MAP4K3: variants seen among roughly 807,000 people sequenced by gnomAD.
MAP4K3 encodes the protein MAPK/ERK kinase kinase kinase 3.
Under a neutral mutation model 143.5 loss-of-function variants are expected in MAP4K3, and 94 were observed. The ratio of observed to expected loss-of-function variants is 0.65; its 90% CI spans 0.55 to 0.78. The LOEUF (loss-of-function observed/expected upper bound fraction) is 0.78, where lower values mean the gene tolerates loss of function less well. Ranked by LOEUF, MAP4K3 falls within the 30% of genes least tolerant of loss-of-function variation. The pLI is 0.00. For missense variants in MAP4K3, 1,077 were observed against 1,068.1 expected, an observed-to-expected ratio of 1.01 and a Z score of -0.12; for synonymous variants, 416 against 347.2, an observed-to-expected ratio of 1.20 and a Z score of -2.20.
chr2:39,435,268 C>T (rs1025229101), intron 1 of MAP4K3, among the ~76,000 whole-genome samples: 1 of 152,112 alleles, frequency 6.6e-6, no homozygotes, highest in Non-Finnish European at 1.5e-5. Flanking sequence ...TTTTAAAAAC[C>T]TAAATCTAAT....
At chr2:39,250,955 T>C (rs1170685161) in intron 33 of MAP4K3, among the ~76,000 whole-genome samples, 2 of 152,196 alleles carry the variant, frequency 1.3e-5, no homozygotes, top group African/African-American at 4.8e-5. Context: ...AAACCTATAT[T>C]AGAAATTATT....
intron 3 of MAP4K3, among the ~76,000 whole-genome samples, chr2:39,352,749 A>AACC (rs1218260937): frequency 3.3e-5 from 5 of 152,168 alleles, no homozygotes; most frequent in African/African-American, 1.2e-4. Flanking sequence ...CCCTGATATA[A>AACC]AATGGACTTC....
At chr2:39,270,495 G>C (rs1415736021) in intron 26 of MAP4K3, among the ~76,000 whole-genome samples, 1 of 152,184 alleles carries the variant, frequency 6.6e-6, no homozygotes, top group Admixed American at 6.5e-5. Flanking sequence ...TTTCTTGAGA[G>C]CTTACTAGGT....
intron 1 of MAP4K3, among the ~76,000 whole-genome samples, chr2:39,387,002 T>C (rs555291908): frequency 2.0e-5 from 3 of 152,078 alleles, no homozygotes; most frequent in Non-Finnish European, 4.4e-5. Flanking sequence ...TCAGTACAGA[T>C]GGAGTTTTGC....
rs190973250 is a variant in MAP4K3, at chr2:39,280,229, T to A, written c.1714+43A>T. On this transcript the variant is annotated intron_variant, in intron 23 of 33. Coordinates refer to ENST00000263881, the MANE Select transcript of MAP4K3 (RefSeq NM_003618.4). ...CACAAATGCTTTCATGGCCCCAGTT[T>A]TAAAAAATTAGGAAGATAACAGATA... 5.9e-6 allele frequency: 7 copies of A among 1,181,722 alleles called. No homozygotes were observed. The African/African-American group carries it at 1.1e-4, about 18-fold the overall frequency. 73.2% of individuals were successfully genotyped at this position (1,181,722 alleles called of 1,614,324 possible). A position where few individuals can be genotyped will look rare whatever the true frequency, so the allele number is the denominator to read the frequency against.
intron 20 of MAP4K3, 140 bp downstream of exon 20, chr2:39,287,981 A>G (rs1264454381): frequency 1.0e-6 from 1 of 980,534 alleles, no homozygotes; most frequent in Non-Finnish European, 1.5e-6. Context: ...GTAGGCAAAA[A>G]GCAGAAAACA....
chr2:39,320,028 T>C (rs1426598358), intron 12 of MAP4K3, among the ~76,000 whole-genome samples: 2 of 152,184 alleles, frequency 1.3e-5, no homozygotes, highest in Non-Finnish European at 2.9e-5. Context: ...AACTCCTTTC[T>C]AGCAATGTCA....
At chr2:39,427,951 T>A (rs1013504093) in intron 1 of MAP4K3, among the ~76,000 whole-genome samples, 1 of 152,222 alleles carries the variant, frequency 6.6e-6, no homozygotes, top group African/African-American at 2.4e-5. Context: ...GCAGTATTTT[T>A]AACCCATATT....
At chr2:39,396,634 C>T (rs889305363) in intron 1 of MAP4K3, among the ~76,000 whole-genome samples, 9 of 151,938 alleles carry the variant, frequency 5.9e-5, no homozygotes, top group East Asian at 1.9e-4. Context: ...CCACTACGCC[C>T]GGCTAATTTT....
intron 6 of MAP4K3, among the ~76,000 whole-genome samples, chr2:39,333,788 C>CA (rs993510416): frequency 1.3e-5 from 2 of 151,944 alleles, no homozygotes; most frequent in African/African-American, 4.8e-5. Context: ...TTCTGCCTTG[C>CA]AAAAAAGCTG....
chr2:39,319,691 T>C (rs2148509481), intron 12 of MAP4K3, among the ~76,000 whole-genome samples: 1 of 152,336 alleles, frequency 6.6e-6, no homozygotes, highest in Non-Finnish European at 1.5e-5. Context: ...TATGGTGAGC[T>C]ATTATTTAAT....
At chr2:39,333,600 G>C (rs373007535) in intron 6 of MAP4K3, 26 bp from the exon 7 acceptor site, 135 of 1,414,620 alleles carry the variant, frequency 9.5e-5, no homozygotes, top group Non-Finnish European at 1.3e-4. Flanking sequence ...ATTTTAGTTA[G>C]AGTAGGAAAT....
rs869027118 is a variant in MAP4K3 at position 39,313,458 on chromosome 2, CT to C, written c.997+1851del. Reference sequence around the variant, plus strand: ...ATATGATGTTCTTCTTTCTTTCCTTCTTTCTTTCCTTCCTTCCTTTCTTTTT... The same window carrying C: ...ATATGATGTTCTTCTTTCTTTCCTTCTTCTTTCCTTCCTTCCTTTCTTTTT... On this transcript the variant is annotated intron_variant, in intron 13 of 33. Coordinates refer to ENST00000263881, the MANE Select transcript of MAP4K3 (RefSeq NM_003618.4). Among the ~76,000 whole-genome samples the C allele has an allele frequency of 2.7e-4, 7 of 25,870 alleles. No homozygotes were observed. In the Non-Finnish European group the frequency reaches 3.0e-3, roughly 11 times the overall value. 17.0% of individuals were successfully genotyped at this position (25,870 alleles called of 152,430 possible).
chr2:39,336,085 G>A (rs1247152783), intron 6 of MAP4K3, among the ~76,000 whole-genome samples: 2 of 152,158 alleles, frequency 1.3e-5, no homozygotes, highest in South Asian at 2.1e-4. Context: ...TTAGAAATAT[G>A]CTAAGGATTC....
chr2:39,339,429 T>C (rs959484650), intron 4 of MAP4K3, among the ~76,000 whole-genome samples: 25 of 152,186 alleles, frequency 1.6e-4, no homozygotes, highest in African/African-American at 6.0e-4. Flanking sequence ...TAGCTAACTT[T>C]ACAAACAGTA....
intron 1 of MAP4K3, among the ~76,000 whole-genome samples, chr2:39,408,749 C>T (rs1251990558): frequency 6.6e-6 from 1 of 151,816 alleles, no homozygotes; most frequent in African/African-American, 2.4e-5. Flanking sequence ...TTAACAGAAG[C>T]AACTTGATGG....
At chr2:39,303,483 A>G (rs1682586031) in intron 15 of MAP4K3, among the ~76,000 whole-genome samples, 1 of 152,110 alleles carries the variant, frequency 6.6e-6, no homozygotes, top group Non-Finnish European at 1.5e-5. Flanking sequence ...CTTCAGAGCA[A>G]TGATTATGTT....
At chr2:39,417,532 T>C (rs1404742768) in intron 1 of MAP4K3, among the ~76,000 whole-genome samples, 1 of 152,160 alleles carries the variant, frequency 6.6e-6, no homozygotes, top group East Asian at 1.9e-4. Context: ...GCCAGGTTTC[T>C]TACTACTGGA....
At chr2:39,398,342 T>C (rs1411982805) in intron 1 of MAP4K3, among the ~76,000 whole-genome samples, 1 of 151,868 alleles carries the variant, frequency 6.6e-6, no homozygotes, top group Non-Finnish European at 1.5e-5. Flanking sequence ...CTGACTGATA[T>C]AACGAGAGAG....
Sources: allele counts gnomAD v4.1 joint callset (sites outside exome capture counted in the v4.1 genomes callset), GRCh38; gene constraint gnomAD v4.1.1; transcripts MANE v1.5; gene names NCBI Gene and HGNC (gene_info 2026-07-23, HGNC 2026-07-21).